Variants in BCAR3 observed in about 807,000 individuals in gnomAD.
The protein encoded by BCAR3 is BCAR3 adaptor protein, NSP family member.
In BCAR3, 37 loss-of-function variants were observed where a neutral mutation model predicts 80.1. The observed-to-expected ratio is 0.46, with a 90% CI of 0.36 to 0.61. The LOEUF (loss-of-function observed/expected upper bound fraction) is 0.61, where lower values mean the gene tolerates loss of function less well. Ranked by LOEUF, BCAR3 falls within the 20% of genes least tolerant of loss-of-function variation. BCAR3 has a pLI of 0.00. For synonymous variants in BCAR3, 389 were observed against 418.9 expected (o/e 0.93, Z 0.87); for missense variants, 978 against 1,068.2 (o/e 0.92, Z 1.18).
At chr1:93,677,688 C>G (rs569285946) in intron 1 of BCAR3, among the ~76,000 whole-genome samples, 3 of 152,224 alleles carry the variant, frequency 2.0e-5, no homozygotes, top group Admixed American at 6.5e-5. Context: ...GAAGGTGGTG[C>G]GATGCTGTAA....
At chr1:93,687,797 T>G (rs759675816) in intron 3 of BCAR3, among the ~76,000 whole-genome samples, 4 of 152,208 alleles carry the variant, frequency 2.6e-5, no homozygotes, top group Non-Finnish European at 5.9e-5. Context: ...AACAGGCAGC[T>G]GGGGTAGGCA....
chr1:93,805,273 T>C (rs904089130), intron 2 of BCAR3, among the ~76,000 whole-genome samples: 3 of 152,214 alleles, frequency 2.0e-5, no homozygotes, highest in African/African-American at 4.8e-5. Flanking sequence ...TACTGACTAA[T>C]ACAGCAGGGT....
intron 2 of BCAR3, among the ~76,000 whole-genome samples, chr1:93,748,353 C>T (rs981225943): frequency 5.9e-5 from 9 of 152,168 alleles, no homozygotes; most frequent in South Asian, 2.1e-4. Context: ...TCTCCATTCA[C>T]GAAGGGTTGC....
intron 2 of BCAR3, among the ~76,000 whole-genome samples, chr1:93,844,229 C>T (rs960027973): frequency 3.9e-5 from 6 of 152,160 alleles, no homozygotes; most frequent in Non-Finnish European, 5.9e-5. Flanking sequence ...ATTGCTTCAA[C>T]TCGGGAAATG....
In BCAR3 at chr1:93,567,397, G is replaced by A. The variant is rs764800476; in HGVS notation, c.2181C>T (p.Thr727=). ...MERQAVTFEG[T]DMWEKNDQSC... is the part of the protein sequence containing the mutation. ...TCTGGTCGTTTTTTTCCCACATGTC[G>A]GTTCCTTCAAAAGTCACAGCCTGGC... Residue 727 remains threonine, a synonymous_variant, in exon 11 of 12, where the codon ACC becomes ACT. Transcript: ENST00000260502. 2.2e-5 allele frequency: 35 copies of A among 1,613,950 alleles called. No individual in the cohort carries two copies. The highest frequency in any genetic ancestry group is 2.6e-5 in the Non-Finnish European group (31 of 1,180,024).
rs553087613 is a variant in BCAR3, at chr1:93,651,233, T to C, written c.318-8890A>G. Among the ~76,000 whole-genome samples, 14 of 152,248 alleles carry C rather than the reference T, an allele frequency of 9.2e-5. No individual in the cohort carries two copies. The South Asian group carries it at 1.0e-3, about 11-fold the overall frequency. On this transcript the variant is annotated intron_variant, in intron 2 of 11. Coordinates refer to ENST00000260502, the MANE Select transcript of BCAR3 (RefSeq NM_003567.4). The stretch of plus-strand genomic sequence containing the variant: ...TTCTGTATGGAAGAAGGAGCAAATA[T>C]TCCGTTTAGGCACAGCCAGAGGGAC...
chr1:93,660,479 C>G (rs1024260299), intron 2 of BCAR3, among the ~76,000 whole-genome samples: 1 of 152,210 alleles, frequency 6.6e-6, no homozygotes, highest in Non-Finnish European at 1.5e-5. Context: ...CCATTTCTAT[C>G]TGTTTACCAG....
At chr1:93,599,242 C>T (rs1012000113) in intron 3 of BCAR3, 8 of 152,222 alleles carry the variant, frequency 5.3e-5, no homozygotes, top group African/African-American at 4.8e-5. Flanking sequence ...GCCTCACCCC[C>T]GTGTTTCCTG....
chr1:93,632,627 C>T (rs185027403), intron 3 of BCAR3, among the ~76,000 whole-genome samples: 13 of 152,234 alleles, frequency 8.5e-5, no homozygotes, highest in African/African-American at 2.9e-4. Flanking sequence ...TGTACTCAAT[C>T]CCACCATTAT....
At position 93,592,880 on chromosome 1, in the gene BCAR3, T is replaced by A. The variant is rs1282877890; in HGVS notation, c.358-487A>T. ...CCTAACTTCTTTGCTGTTGGTAAAC[T>A]CATGTTCAGGAATTGAGTCAGTCTT... On this transcript the variant is annotated intron_variant, in intron 3 of 11. Transcript: ENST00000260502. This position sits in a 1 kb window ranked among gnomAD's most constrained non-coding sequence, Gnocchi z 4.8. 6.6e-6 allele frequency among the ~76,000 whole-genome samples: 1 copy of A among 152,226 alleles called. No homozygotes were observed. Among genetic ancestry groups the A allele is most frequent in the Non-Finnish European group, 1.5e-5 (1 of 68,042 alleles).
At chr1:93,801,152 T>C (rs1352218771) in intron 2 of BCAR3, among the ~76,000 whole-genome samples, 1 of 152,188 alleles carries the variant, frequency 6.6e-6, no homozygotes, top group African/African-American at 2.4e-5. Flanking sequence ...AATTTTTCTT[T>C]AGATGTCTTG....
chr1:93,714,019 G>T (rs1650114123), intron 2 of BCAR3, among the ~76,000 whole-genome samples: 1 of 152,136 alleles, frequency 6.6e-6, no homozygotes, highest in African/African-American at 2.4e-5. Flanking sequence ...GTCTCGCTCT[G>T]TTACCCAGGC....
intron 3 of BCAR3, among the ~76,000 whole-genome samples, chr1:93,635,137 C>T (rs1254488898): frequency 1.3e-5 from 2 of 151,868 alleles, no homozygotes; most frequent in African/African-American, 2.4e-5. Context: ...GGAGGATCAC[C>T]CGAGACCAGA....
At chr1:93,668,520 T>C (rs1037324191) in intron 2 of BCAR3, among the ~76,000 whole-genome samples, 1 of 152,156 alleles carries the variant, frequency 6.6e-6, no homozygotes, top group African/African-American at 2.4e-5. Flanking sequence ...TCGCAACAGC[T>C]GCGTTCAAAC....
rs1457195095 is a variant in BCAR3 at position 93,576,032 on chromosome 1, C to T, written c.1784G>A (p.Arg595His). 3.1e-6 allele frequency: 5 copies of T among 1,614,090 alleles called. No individual in the cohort carries two copies. Among genetic ancestry groups the T allele is most frequent in the Non-Finnish European group, 4.2e-6 (5 of 1,179,992 alleles). The change falls in exon 8 of 12, where the codon CGC (arginine) becomes CAC (histidine). Residue 595 changes from arginine (R) to histidine (H), a missense_variant. Coordinates refer to ENST00000260502, the MANE Select transcript of BCAR3 (RefSeq NM_003567.4). ...TGCTCACCTTTCAATTATGTCCAGG[C>T]GCAGCTGGTGTCCGTGAGGCAAGGT... ...LITLPHGHQL[R>H]LDIIERHNTM...
At chr1:93,810,672 C>T (rs1004961337) in intron 2 of BCAR3, among the ~76,000 whole-genome samples, 8 of 152,296 alleles carry the variant, frequency 5.3e-5, no homozygotes, top group East Asian at 3.9e-4. Flanking sequence ...AGGTGTCACC[C>T]GTGCCCAGAT....
rs377358991 is a variant in BCAR3, at chr1:93,566,796, C to T, written c.2299+483G>A. Among the ~76,000 whole-genome samples, 49 of 152,286 alleles carry T rather than the reference C, an allele frequency of 3.2e-4. No homozygotes were observed. In the East Asian group the frequency reaches 6.8e-3, roughly 21 times the overall value. ...AGGCTGGAGTGCAGTGGTGCGATCTCGGCTCACTGCAACCTCCGCCTCCCG... is the reference window on the plus strand; with the variant it reads ...AGGCTGGAGTGCAGTGGTGCGATCTTGGCTCACTGCAACCTCCGCCTCCCG... On this transcript the variant is annotated intron_variant, in intron 11 of 11. Coordinates refer to ENST00000260502, the MANE Select transcript of BCAR3 (RefSeq NM_003567.4).
At chr1:93,580,086 A>G (rs995293050) in intron 7 of BCAR3, among the ~76,000 whole-genome samples, 5 of 152,152 alleles carry the variant, frequency 3.3e-5, no homozygotes, top group Non-Finnish European at 1.5e-5. Context: ...CCCACCTCCC[A>G]GGCCTGGGCA....
At chr1:93,614,715 G>T (rs1351419584) in intron 3 of BCAR3, among the ~76,000 whole-genome samples, 1 of 152,170 alleles carries the variant, frequency 6.6e-6, no homozygotes, top group Non-Finnish European at 1.5e-5. Context: ...CTCCCACCTG[G>T]CTGTGCAACC....
Sources: allele counts gnomAD v4.1 joint callset (sites outside exome capture counted in the v4.1 genomes callset), GRCh38; gene constraint gnomAD v4.1.1; non-coding constraint Gnocchi (gnomAD v3.1); transcripts MANE v1.5; gene names NCBI Gene and HGNC (gene_info 2026-07-23, HGNC 2026-07-21).